PLEKHA5: variants seen among roughly 807,000 people sequenced by gnomAD.
PLEKHA5 encodes the protein pleckstrin homology domain containing A5, also known as pleckstrin homology domain-containing family A member 5.
A neutral mutation model predicts 181.9 loss-of-function variants in PLEKHA5; 55 were observed. The ratio of observed to expected loss-of-function variants is 0.30; its 90% confidence interval spans 0.24 to 0.38. PLEKHA5 has a LOEUF of 0.38. Ranked by LOEUF, PLEKHA5 falls within the 10% of genes least tolerant of loss-of-function variation. The pLI, the probability that PLEKHA5 is intolerant of heterozygous loss-of-function variation, is 1.00. For missense variants in PLEKHA5, 1,432 were observed against 1,549.5 expected, an observed-to-expected ratio of 0.92 and a Z score of 1.27; for synonymous variants, 535 against 529.4, an observed-to-expected ratio of 1.01 and a Z score of -0.15.
chr12:19,345,739 G>C (rs1169882999), intron 22 of PLEKHA5, 103 bp from the exon 23 acceptor site: 1 of 577,880 alleles, frequency 1.7e-6, no homozygotes, highest in South Asian at 2.5e-5. Context: ...CTCCAGCTTG[G>C]GCAAACAGCA....
At chr12:19,280,250 T>C (rs181516238) in intron 11 of PLEKHA5, among the ~76,000 whole-genome samples, 1 of 151,926 alleles carries the variant, frequency 6.6e-6, no homozygotes, top group Non-Finnish European at 1.5e-5. Context: ...GGGATTTTGC[T>C]ATGTTGAACT....
At chr12:19,218,185 G>T (rs1013367104) in intron 3 of PLEKHA5, among the ~76,000 whole-genome samples, 1 of 152,090 alleles carries the variant, frequency 6.6e-6, no homozygotes, top group Non-Finnish European at 1.5e-5. Context: ...GTGGCTGGGG[G>T]ACATTAATCA....
intron 3 of PLEKHA5, among the ~76,000 whole-genome samples, chr12:19,248,612 T>G (rs1180431576): frequency 6.6e-6 from 1 of 152,180 alleles, no homozygotes; most frequent in Non-Finnish European, 1.5e-5. Context: ...CTAGAAGCAA[T>G]AAGCTATACT....
At chr12:19,306,522 G>T in intron 15 of PLEKHA5, 1 of 736,896 alleles carries the variant, frequency 1.4e-6, no homozygotes, top group South Asian at 1.4e-5. Context: ...TGAAGCAGGA[G>T]GGAGAACGCC....
At chr12:19,311,902 A>G (rs61229657) in intron 15 of PLEKHA5, among the ~76,000 whole-genome samples, 111 of 152,328 alleles carry the variant, frequency 7.3e-4, no homozygotes, top group African/African-American at 2.6e-3. Context: ...CATCAGAAGA[A>G]TCACTATCTG....
rs61912287 is a variant in PLEKHA5, at chr12:19,229,546, G to A, written c.228-24394G>A. Among the ~76,000 whole-genome samples the A allele has an allele frequency of 7.6e-3, 1,152 of 152,086 alleles. 10 individuals are homozygous for A. Among genetic ancestry groups the A allele is most frequent in the Non-Finnish European group, 0.014 (928 of 67,980 alleles). ...GTTGTTCATTCCTCCCGGTGGGTTT[G>A]TGGTCTCGCTGGCCTCAGGAGTGAA... On this transcript the variant is annotated intron_variant, in intron 3 of 31. Coordinates refer to ENST00000429027, the MANE Select transcript of PLEKHA5 (RefSeq NM_001256470.2).
At chr12:19,289,656 A>T (rs1012641881) in intron 13 of PLEKHA5, among the ~76,000 whole-genome samples, 5 of 152,200 alleles carry the variant, frequency 3.3e-5, no homozygotes, top group Admixed American at 3.3e-4. Flanking sequence ...AAGGAATTTC[A>T]TCCACTGTTG....
chr12:19,366,687 A>G (rs1188860841), intron 30 of PLEKHA5, among the ~76,000 whole-genome samples: 1 of 152,082 alleles, frequency 6.6e-6, no homozygotes, highest in East Asian at 1.9e-4. Context: ...TACTTGGAAA[A>G]TCTATCTGTT....
intron 6 of PLEKHA5, among the ~76,000 whole-genome samples, chr12:19,258,681 C>T (rs1383238220): frequency 1.3e-5 from 2 of 151,734 alleles, no homozygotes; most frequent in Non-Finnish European, 2.9e-5. Flanking sequence ...TCTCCTGCCT[C>T]AGCTTCACGA....
At chr12:19,152,372 A>G (rs1389126177) in intron 3 of PLEKHA5, 1 of 152,242 alleles carries the variant, frequency 6.6e-6, no homozygotes, top group African/African-American at 2.4e-5. Context: ...CCTGGAAATA[A>G]TTTAGGAAAA....
In PLEKHA5 at chr12:19,136,622, T is replaced by C. The variant is rs370619580; in HGVS notation, c.227+4172T>C. Among the ~76,000 whole-genome samples the C allele has an allele frequency of 7.2e-5, 11 of 152,306 alleles. No individual in the cohort carries two copies. In the South Asian group the frequency reaches 1.2e-3, roughly 17 times the overall value. ...CTTCAAAGCTTTAAGATGGTTAACT[T>C]AGAGTGCCAAGTAAATCTTAAGGCT... On this transcript the variant is annotated intron_variant, in intron 3 of 31. Transcript: ENST00000429027.
intron 3 of PLEKHA5, among the ~76,000 whole-genome samples, chr12:19,191,476 C>T (rs140864954): frequency 2.6e-4 from 39 of 152,306 alleles, no homozygotes; most frequent in African/African-American, 9.1e-4. Flanking sequence ...TGTTGTCAGT[C>T]TTGTCCCCTA....
In PLEKHA5 at chr12:19,345,349, G is replaced by A. The variant is rs1000470104; in HGVS notation, c.2663-493G>A. Among the ~76,000 whole-genome samples, 12 of 151,106 alleles carry A rather than the reference G, an allele frequency of 7.9e-5. 1 individual carries two copies. Among genetic ancestry groups the A allele is most frequent in the South Asian group, 2.1e-4 (1 of 4,802 alleles). On this transcript the variant is annotated intron_variant, in intron 22 of 31. Coordinates refer to ENST00000429027, the MANE Select transcript of PLEKHA5 (RefSeq NM_001256470.2). The stretch of plus-strand genomic sequence containing the variant: ...TGGGACGCAGAGGTTGCAGTGAGCC[G>A]AGATCTTGCCACTGCACTCCAGCCT...
intron 3 of PLEKHA5, among the ~76,000 whole-genome samples, chr12:19,218,904 TTA>T (rs201434045): frequency 0.14 from 10,576 of 73,030 alleles, 401 homozygotes; most frequent in Non-Finnish European, 0.24. Flanking sequence ...ATTATTATTA[TTA>T]TTTTTTTTTT....
chr12:19,357,618 G>GGGTT (rs2095020933), intron 26 of PLEKHA5, among the ~76,000 whole-genome samples: 1 of 150,916 alleles, frequency 6.6e-6, no homozygotes, highest in African/African-American at 2.4e-5. Flanking sequence ...GAGTTATGGG[G>GGGTT]GTTTGTTTGT....
chr12:19,242,582 A>T (rs528071073), intron 3 of PLEKHA5, among the ~76,000 whole-genome samples: 1 of 152,198 alleles, frequency 6.6e-6, no homozygotes, highest in Non-Finnish European at 1.5e-5. Flanking sequence ...TTTATTTAAG[A>T]GAGCTTTTAA....
At chr12:19,177,802 G>A (rs574534907) in intron 3 of PLEKHA5, among the ~76,000 whole-genome samples, 400 of 152,152 alleles carry the variant, frequency 2.6e-3, no homozygotes, top group African/African-American at 9.1e-3. Context: ...TTAATTCTAC[G>A]GATCAGTAAG....
At chr12:19,260,637 A>G (rs1340871112) in intron 6 of PLEKHA5, among the ~76,000 whole-genome samples, 1 of 152,092 alleles carries the variant, frequency 6.6e-6, no homozygotes, top group Admixed American at 6.6e-5. Context: ...CGGGTGGATC[A>G]CCTGAGTCAG....
chr12:19,161,045 C>T (rs975764225), intron 3 of PLEKHA5, among the ~76,000 whole-genome samples: 2 of 151,908 alleles, frequency 1.3e-5, no homozygotes, highest in South Asian at 4.2e-4. Context: ...TTGAAATGTC[C>T]AACACTGTTT....
Sources: allele counts gnomAD v4.1 joint callset (sites outside exome capture counted in the v4.1 genomes callset), GRCh38; gene constraint gnomAD v4.1.1; transcripts MANE v1.5; gene names NCBI Gene and HGNC (gene_info 2026-07-23, HGNC 2026-07-21).